Variants in KAZN observed in about 807,000 individuals in gnomAD.
KAZN encodes kazrin, periplakin interacting protein.
Under a neutral mutation model 87.4 loss-of-function variants are expected in KAZN, and 40 were observed. The ratio of observed to expected loss-of-function variants is 0.46; its 90% CI spans 0.36 to 0.60. The LOEUF is 0.60. KAZN is among the 20% of genes least tolerant of loss of function. The probability of loss-of-function intolerance (pLI) is 0.00; values close to 1 mark genes in which losing one functional copy is unlikely to be tolerated. For synonymous variants in KAZN, 466 were observed against 458.3 expected (o/e 1.02, Z -0.22); for missense variants, 898 against 1,073.9 (o/e 0.84, Z 2.29).
intron 1 of KAZN, among the ~76,000 whole-genome samples, chr1:14,679,643 T>A (rs1157420963): frequency 6.6e-6 from 1 of 152,172 alleles, no homozygotes; most frequent in African/African-American, 2.4e-5. Flanking sequence ...TCAGGTGCCT[T>A]ACGTGTTTGT....
chr1:14,261,993 A>C (rs1651061614), intron 2 of KAZN, among the ~76,000 whole-genome samples: 1 of 152,158 alleles, frequency 6.6e-6, no homozygotes, highest in Non-Finnish European at 1.5e-5. Context: ...ACATAGAAGA[A>C]CCCTGAGATT....
chr1:14,465,329 G>A (rs2148356879), intron 2 of KAZN, among the ~76,000 whole-genome samples: 1 of 150,824 alleles, frequency 6.6e-6, no homozygotes, highest in South Asian at 2.1e-4. Flanking sequence ...AACCCGGGAG[G>A]TGGAGCTGGC....
At chr1:14,359,534 T>C (rs1430152192) in intron 2 of KAZN, among the ~76,000 whole-genome samples, 2 of 152,218 alleles carry the variant, frequency 1.3e-5, no homozygotes, top group Non-Finnish European at 2.9e-5. Flanking sequence ...CTAGCATCAA[T>C]GGTCTTTACA....
In KAZN at chr1:15,063,573, G is replaced by A; in HGVS notation, c.1049G>A (p.Gly350Asp). Residue 350 changes from glycine (G) to aspartate (D), a missense_variant and splice_region_variant, in exon 7 of 15, where the codon GGC becomes GAC. Gly to Asp is a moderately conservative substitution (Grantham distance 94). Transcript: ENST00000376030. ...PRHRTHSLCN[G>D]DSPGPVQKNL... ...CTTCCTCTTCTCCTCTGGCTACAGG[G>A]CGACAGTCCCGGCCCAGTTCAGAAG... 2 of 1,613,948 alleles carry A rather than the reference G, an allele frequency of 1.2e-6. No individual in the cohort carries two copies. The highest frequency in any genetic ancestry group is 1.7e-6 in the Non-Finnish European group (2 of 1,179,832).
chr1:14,068,801 T>C (rs1396307780), intron 1 of KAZN, among the ~76,000 whole-genome samples: 1 of 45,330 alleles, frequency 2.2e-5, no homozygotes, highest in East Asian at 1.6e-3. Flanking sequence ...TGAGTTCTCT[T>C]TTTTTTTTTT....
chr1:14,579,168 GA>G (rs1316386063), intron 2 of KAZN, among the ~76,000 whole-genome samples: 1 of 152,068 alleles, frequency 6.6e-6, no homozygotes, highest in Non-Finnish European at 1.5e-5. Flanking sequence ...GTGACCCTTG[GA>G]ACTTATTTCT....
intron 1 of KAZN, among the ~76,000 whole-genome samples, chr1:14,888,049 C>T (rs778632588): frequency 7.9e-5 from 12 of 151,926 alleles, no homozygotes; most frequent in Non-Finnish European, 1.6e-4. Flanking sequence ...AACAGGGAAG[C>T]GCCATGCAGC....
rs140094174 is a variant in KAZN, at chr1:14,744,697, C to T, written c.226+145474C>T. On this transcript the variant is annotated intron_variant, in intron 1 of 14. Transcript: ENST00000376030. ...GCTGCAGTGAGCTGTGATTATGACA[C>T]TGTATTCCAGCCTGGGTAACCCAGT... is the stretch of plus-strand genomic sequence containing the variant. Among the ~76,000 whole-genome samples the T allele has an allele frequency of 5.1e-4, 78 of 152,272 alleles. 3 individuals are homozygous for T. The highest frequency in any genetic ancestry group is 1.8e-3 in the African/African-American group (74 of 41,550).
In KAZN at chr1:14,049,182, G is replaced by A. The variant is rs553042583; in HGVS notation, c.92-131253G>A. ...CCTTTGTAGGGACATGGATGAAGCT[G>A]GAAACCATCATTCTCAGCAAACTAT... On this transcript the variant is annotated intron_variant, in intron 1 of 16. Transcript: ENST00000636203. 3.0e-4 allele frequency among the ~76,000 whole-genome samples: 46 copies of A among 152,174 alleles called. No individual in the cohort carries two copies. The East Asian group carries it at 7.1e-3, about 24-fold the overall frequency.
At chr1:14,723,601 A>G (rs566692309) in intron 1 of KAZN, among the ~76,000 whole-genome samples, 142 of 152,324 alleles carry the variant, frequency 9.3e-4, no homozygotes, top group African/African-American at 3.2e-3. Flanking sequence ...GGCCCTTCAC[A>G]GTTGGCTGTC....
At chr1:15,067,075 G>A in intron 8 of KAZN, 1 of 985,720 alleles carries the variant, frequency 1.0e-6, no homozygotes, top group South Asian at 4.7e-5. Flanking sequence ...GTTCTCCGAG[G>A]GGCCTCCAGC....
chr1:13,922,552 G>T (rs564944702), intron 1 of KAZN, among the ~76,000 whole-genome samples: 2 of 152,318 alleles, frequency 1.3e-5, no homozygotes, highest in South Asian at 4.1e-4. Flanking sequence ...TGGCAGAGCT[G>T]CTTGTGCTTG....
At chr1:13,899,433 C>T (rs1006687460) in intron 1 of KAZN, among the ~76,000 whole-genome samples, 2 of 152,162 alleles carry the variant, frequency 1.3e-5, no homozygotes, top group African/African-American at 4.8e-5. Context: ...GTTCTTCCTT[C>T]CAGACTGTCC....
chr1:14,011,272 G>C (rs141188413), intron 1 of KAZN, among the ~76,000 whole-genome samples: 2 of 152,070 alleles, frequency 1.3e-5, no homozygotes, highest in Admixed American at 6.5e-5. Context: ...GATTCGTTTC[G>C]CACTCTTTCT....
chr1:14,216,304 G>A (rs562161674), intron 2 of KAZN, among the ~76,000 whole-genome samples: 20 of 152,260 alleles, frequency 1.3e-4, no homozygotes, highest in African/African-American at 4.3e-4. Context: ...ACTAGCAGGT[G>A]AATAAAAAGA....
At chr1:13,942,542 G>A (rs71510953) in intron 1 of KAZN, among the ~76,000 whole-genome samples, 14,991 of 65,250 alleles carry the variant, frequency 0.23, 1,100 homozygotes, top group Middle Eastern at 0.4. Flanking sequence ...GCGAGACTCC[G>A]TCTCAAAAAA....
intron 1 of KAZN, among the ~76,000 whole-genome samples, chr1:13,946,540 G>C (rs1488935802): frequency 6.6e-6 from 1 of 152,090 alleles, no homozygotes; most frequent in Non-Finnish European, 1.5e-5. Flanking sequence ...GAAATTCCAG[G>C]GAGTACGAGG....
chr1:14,886,425 T>C (rs934209954), intron 1 of KAZN, among the ~76,000 whole-genome samples: 12 of 139,944 alleles, frequency 8.6e-5, no homozygotes, highest in East Asian at 8.3e-4. Context: ...CTTGTCTCTA[T>C]ACACACACAC....
In KAZN at chr1:15,085,214, G is replaced by A. The variant is rs751282185; in HGVS notation, c.1223-8966G>A. ...AAACTAAAGGAGAAATTGCTGTATC[G>A]AATACACTAGCCACTAGCCCACATG... is the stretch of plus-strand genomic sequence containing the variant. On this transcript the variant is annotated intron_variant, in intron 8 of 14. Transcript: ENST00000376030. Among the ~76,000 whole-genome samples, 33 of 152,174 alleles carry A rather than the reference G, an allele frequency of 2.2e-4. No individual in the cohort carries two copies. In the South Asian group the frequency reaches 3.1e-3, roughly 14 times the overall value.
Sources: allele counts gnomAD v4.1 joint callset (sites outside exome capture counted in the v4.1 genomes callset), GRCh38; gene constraint gnomAD v4.1.1; transcripts MANE v1.5; gene names NCBI Gene and HGNC (gene_info 2026-07-23, HGNC 2026-07-21).